Variants in RUVBL1 observed in about 807,000 individuals in gnomAD.
RUVBL1 encodes the protein ruvB-like 1.
Under a neutral mutation model 52.4 loss-of-function variants are expected in RUVBL1, and 4 were observed. The observed-to-expected ratio is 0.08, with a 90% confidence interval of 0.04 to 0.17. The LOEUF (loss-of-function observed/expected upper bound fraction) is 0.17, where lower values mean the gene tolerates loss of function less well. RUVBL1 is among the 10% of genes least tolerant of loss of function. RUVBL1 has a pLI of 1.00. For synonymous variants in RUVBL1, 217 were observed against 214.4 expected, an observed-to-expected ratio of 1.01 and a Z score of -0.10; for missense variants, 298 against 572.8, an observed-to-expected ratio of 0.52 and a Z score of 4.90.
At chr3:128,109,983 T>C (rs1943342481) in intron 3 of RUVBL1, among the ~76,000 whole-genome samples, 1 of 151,800 alleles carries the variant, frequency 6.6e-6, no homozygotes, top group Non-Finnish European at 1.5e-5. Context: ...GCCCCGCTAA[T>C]TTTTTGTATT....
At chr3:128,065,732 A>ATTTTTTTTTTTT (rs758640768) in intron 9 of RUVBL1, among the ~76,000 whole-genome samples, 2 of 97,528 alleles carry the variant, frequency 2.1e-5, no homozygotes, top group Non-Finnish European at 3.8e-5. Context: ...ATCATTAAGA[A>ATTTTTTTTTTTT]TTTTTTTTTT....
At chr3:128,090,335 C>A (rs976316270) in intron 8 of RUVBL1, among the ~76,000 whole-genome samples, 8 of 151,790 alleles carry the variant, frequency 5.3e-5, no homozygotes, top group African/African-American at 1.9e-4. Flanking sequence ...ATTGAGACCA[C>A]GGTGAAACCC....
intron 1 of RUVBL1, among the ~76,000 whole-genome samples, chr3:128,145,844 T>C (rs1944095342): frequency 6.6e-6 from 1 of 152,230 alleles, no homozygotes; most frequent in African/African-American, 2.4e-5. Context: ...AAAATGCCAA[T>C]GTATTTCAAG....
rs754571690 is a variant in RUVBL1, at chr3:128,082,797, G to A, written c.1120-223C>T. 4.4e-6 allele frequency: 2 copies of A among 459,704 alleles called. No individual in the cohort carries two copies. Among genetic ancestry groups the A allele is most frequent in the Non-Finnish European group, 7.9e-6 (2 of 252,240 alleles). 28.5% of individuals were successfully genotyped at this position (459,704 alleles called of 1,614,324 possible). ...GTATGCATGAATAGCATCACGGCCA[G>A]TGTGCTGTATTCAACTGACTCAAGT... On this transcript the variant is annotated intron_variant, in intron 9 of 10. Transcript: ENST00000322623. The surrounding 1 kb of genome is among the most constrained non-coding windows in gnomAD (Gnocchi z 4.7).
intron 4 of RUVBL1, among the ~76,000 whole-genome samples, chr3:128,104,436 A>G (rs1302607083): frequency 6.6e-6 from 1 of 152,250 alleles, no homozygotes; most frequent in Non-Finnish European, 1.5e-5. Context: ...ATTAATGCCC[A>G]GGTTCAGACC....
intron 9 of RUVBL1, chr3:128,083,012 T>G (rs528184978): frequency 1.3e-5 from 2 of 155,850 alleles, no homozygotes; most frequent in South Asian, 3.9e-4. Context: ...AAGGGACATT[T>G]TTTATTTGCT....
In RUVBL1 at chr3:128,101,552, G is replaced by A. The variant is rs770236372; in HGVS notation, c.603+7C>T. On this transcript the variant is annotated splice_region_variant and intron_variant, in intron 5 of 10. Coordinates refer to ENST00000322623, the MANE Select transcript of RUVBL1 (RefSeq NM_003707.3). ...GGGACAATGCTGTGTCCCAAGGAAG[G>A]CATTACCTTCACGGCCCCACTGTTG... The A allele has an allele frequency of 1.9e-6, 3 of 1,612,084 alleles. No individual in the cohort carries two copies. Among genetic ancestry groups the A allele is most frequent in the Admixed American group, 3.3e-5 (2 of 60,004 alleles).
rs1044843 is a variant in RUVBL1, at chr3:128,064,855, A to T, written c.*357T>A. 366,310 of 1,563,452 alleles carry T rather than the reference A, an allele frequency of 0.23. 44,364 individuals carry two copies. Among genetic ancestry groups the T allele is most frequent in the South Asian group, 0.26 (21,735 of 82,186 alleles). On this transcript the variant is annotated 3_prime_UTR_variant, in exon 10 of 10. Transcript: ENST00000464873. ...GAGTTGCCTGTTCGTTCCTTCATATATGTCTCCTCCTCTGCCAACAGGAAT... is the reference window on the plus strand; with the variant it reads ...GAGTTGCCTGTTCGTTCCTTCATATTTGTCTCCTCCTCTGCCAACAGGAAT...
intron 1 of RUVBL1, among the ~76,000 whole-genome samples, chr3:128,121,710 C>CAA (rs558813738): frequency 9.2e-6 from 1 of 108,790 alleles, no homozygotes; most frequent in Admixed American, 9.6e-5. Flanking sequence ...AACTTCGTCT[C>CAA]AAAAAAAAAA....
At chr3:128,066,177 G>T (rs1424154534) in intron 9 of RUVBL1, among the ~76,000 whole-genome samples, 1 of 152,122 alleles carries the variant, frequency 6.6e-6, no homozygotes, top group Non-Finnish European at 1.5e-5. Context: ...TAGCTTTTCT[G>T]TTTATGATTA....
intron 1 of RUVBL1, among the ~76,000 whole-genome samples, chr3:128,121,297 TG>T (rs1461498922): frequency 1.3e-5 from 2 of 151,752 alleles, no homozygotes; most frequent in African/African-American, 4.8e-5. Flanking sequence ...GGTTTCGTCA[TG>T]TTGGCCAGGC....
chr3:128,067,194 T>C lies in RUVBL1; in HGVS notation c.940-1974A>G, dbSNP rs1942006211. Reference sequence around the variant, plus strand: ...AGATGAGCTAGCAATGCAGCTAAGTTGCAGTGGTTTCTATCAGTGTCTTGC... The same window carrying C: ...AGATGAGCTAGCAATGCAGCTAAGTCGCAGTGGTTTCTATCAGTGTCTTGC... On this transcript the variant is annotated intron_variant, in intron 9 of 9. Transcript: ENST00000464873. The surrounding 1 kb of genome is among the most constrained non-coding windows in gnomAD (Gnocchi z 4.1). 6.4e-7 allele frequency: 1 copy of C among 1,564,552 alleles called. No homozygotes were observed. Among genetic ancestry groups the C allele is most frequent in the South Asian group, 1.1e-5 (1 of 90,046 alleles).
chr3:128,102,804 T>G (rs1366085580), intron 4 of RUVBL1, among the ~76,000 whole-genome samples: 1 of 152,250 alleles, frequency 6.6e-6, no homozygotes, highest in Non-Finnish European at 1.5e-5. Flanking sequence ...AATTGTATAC[T>G]TAAAATGGGT....
At chr3:128,066,453 CGTT>C (rs1291931981) in intron 9 of RUVBL1, among the ~76,000 whole-genome samples, 1 of 151,996 alleles carries the variant, frequency 6.6e-6, no homozygotes, top group Non-Finnish European at 1.5e-5. Context: ...GACAGGGTCT[CGTT>C]GTGTTGCTTA....
chr3:128,115,562 G>C (rs997272279), intron 2 of RUVBL1, among the ~76,000 whole-genome samples: 2 of 152,240 alleles, frequency 1.3e-5, no homozygotes, highest in Middle Eastern at 3.4e-3. Flanking sequence ...ACATTGGAAG[G>C]GAGTGGACAA....
rs771064871 is a variant in RUVBL1, at chr3:128,104,936, G to A, written c.362-12C>T. The A allele has an allele frequency of 6.3e-6, 10 of 1,590,292 alleles. No individual in the cohort carries two copies. The highest frequency in any genetic ancestry group is 8.6e-6 in the Non-Finnish European group (10 of 1,160,172). ...CTTTATTCGCAGCCCTGGAAGAGGTGGCAGAGGGGCCATGGTGAGAAGCAG... is the reference window on the plus strand; with the variant it reads ...CTTTATTCGCAGCCCTGGAAGAGGTAGCAGAGGGGCCATGGTGAGAAGCAG... On this transcript the variant is annotated splice_polypyrimidine_tract_variant and intron_variant, in intron 3 of 10. Coordinates refer to ENST00000322623, the MANE Select transcript of RUVBL1 (RefSeq NM_003707.3).
intron 1 of RUVBL1, among the ~76,000 whole-genome samples, chr3:128,147,132 C>A (rs1343888625): frequency 6.6e-6 from 1 of 152,206 alleles, no homozygotes; most frequent in Non-Finnish European, 1.5e-5. Flanking sequence ...GGTGCAGTGG[C>A]ACAATCGGCT....
intron 3 of RUVBL1, among the ~76,000 whole-genome samples, chr3:128,109,836 G>A: frequency 2.7e-4 from 1 of 3,650 alleles, no homozygotes; most frequent in African/African-American, 9.3e-4. Context: ...TTTTTTTTTT[G>A]AGACAGAGTC....
chr3:128,091,852 C>T (rs73863728), intron 8 of RUVBL1, among the ~76,000 whole-genome samples: 2,102 of 152,256 alleles, frequency 0.014, 46 homozygotes, highest in African/African-American at 0.048. Flanking sequence ...ATGTCCCCAG[C>T]GGAACAAATT....
Sources: gnomAD v4.1 joint callset for allele counts (sites outside exome capture counted in the v4.1 genomes callset) on GRCh38, gnomAD v4.1.1 for gene constraint, Gnocchi (gnomAD v3.1) non-coding constraint, MANE v1.5 for transcripts, NCBI Gene and HGNC (gene_info 2026-07-23, HGNC 2026-07-21) for gene names.